Variants in ADAMTSL1 observed in about 807,000 individuals in gnomAD.
ADAMTSL1 encodes the protein ADAMTS like 1, also known as ADAMTS-like protein 1.
Under a neutral mutation model 201.8 loss-of-function variants are expected in ADAMTSL1, and 126 were observed. That is an observed-to-expected ratio of 0.62 (90% confidence interval 0.54 to 0.72). The LOEUF is 0.72. Ranked by LOEUF, ADAMTSL1 falls within the 30% of genes least tolerant of loss-of-function variation. The pLI, the probability that ADAMTSL1 is intolerant of heterozygous loss-of-function variation, is 0.00. For missense variants in ADAMTSL1, 2,679 were observed against 2,277.8 expected, an observed-to-expected ratio of 1.18 and a Z score of -3.59; for synonymous variants, 1,121 against 903.4, an observed-to-expected ratio of 1.24 and a Z score of -4.32.
chr9:18,366,994 C>T (rs1836796160), intron 2 of ADAMTSL1, among the ~76,000 whole-genome samples: 1 of 152,164 alleles, frequency 6.6e-6, no homozygotes, highest in Non-Finnish European at 1.5e-5. Flanking sequence ...CATTCTCATT[C>T]AAGGCAAATT....
Position 18,613,409 on chromosome 9 carries a change from A to G in ADAMTSL1, c.475-8834A>G, listed in dbSNP as rs1825502948. On this transcript the variant is annotated intron_variant, in intron 4 of 28. Coordinates refer to ENST00000380548, the MANE Select transcript of ADAMTSL1 (RefSeq NM_001040272.6). ...ATTGTTCTGTTATAAAGGCACATGC[A>G]CATGTATGTTCATTGCAGCACTGTT... 2.0e-5 allele frequency among the ~76,000 whole-genome samples: 3 copies of G among 152,350 alleles called. No homozygotes were observed. In the South Asian group the frequency reaches 6.2e-4, roughly 32 times the overall value.
At chr9:18,171,456 A>G (rs543345929) in intron 2 of ADAMTSL1, among the ~76,000 whole-genome samples, 4 of 152,246 alleles carry the variant, frequency 2.6e-5, no homozygotes, top group East Asian at 1.9e-4. Context: ...GAAATTTAAT[A>G]TGCTTTAACA....
At chr9:18,141,623 G>A (rs73645725) in intron 1 of ADAMTSL1, among the ~76,000 whole-genome samples, 3,495 of 152,262 alleles carry the variant, frequency 0.023, 138 homozygotes, top group African/African-American at 0.078. Flanking sequence ...TCCATCACAA[G>A]GTTGGTGGCC....
intron 3 of ADAMTSL1, among the ~76,000 whole-genome samples, chr9:18,561,306 G>A (rs1821480113): frequency 6.6e-6 from 1 of 152,158 alleles, no homozygotes; most frequent in Admixed American, 6.5e-5. Context: ...AGTCATTCAG[G>A]AGCAGGCTGT....
chr9:18,897,279 G>A (rs1042752928), intron 26 of ADAMTSL1, among the ~76,000 whole-genome samples: 3 of 152,146 alleles, frequency 2.0e-5, no homozygotes, highest in African/African-American at 4.8e-5. Context: ...GAGTTACTCA[G>A]CCTTCCCAGG....
intron 8 of ADAMTSL1, among the ~76,000 whole-genome samples, chr9:18,658,341 C>A (rs1304163708): frequency 1.3e-5 from 2 of 152,200 alleles, no homozygotes; most frequent in Non-Finnish European, 2.9e-5. Flanking sequence ...TCTAATTTGG[C>A]AGCAGTTTGG....
chr9:18,005,868 T>G (rs902244584), intron 1 of ADAMTSL1, among the ~76,000 whole-genome samples: 1 of 152,038 alleles, frequency 6.6e-6, no homozygotes, highest in Admixed American at 6.6e-5. Flanking sequence ...CATTGCTTCC[T>G]GGTCTGTGAT....
intron 2 of ADAMTSL1, among the ~76,000 whole-genome samples, chr9:18,184,728 G>A (rs983863097): frequency 2.0e-5 from 3 of 151,998 alleles, no homozygotes; most frequent in Non-Finnish European, 4.4e-5. Context: ...ATCTATAGAA[G>A]AAAAAAATAT....
At chr9:18,294,301 G>A (rs2132697432) in intron 2 of ADAMTSL1, among the ~76,000 whole-genome samples, 1 of 152,198 alleles carries the variant, frequency 6.6e-6, no homozygotes, top group South Asian at 2.1e-4. Context: ...CTCTAATATT[G>A]GAAACAGAAA....
chr9:17,924,531 G>C (rs1197929832), intron 1 of ADAMTSL1, among the ~76,000 whole-genome samples: 10 of 124,644 alleles, frequency 8.0e-5, no homozygotes, highest in Admixed American at 3.0e-4. Flanking sequence ...ACAGAACAGA[G>C]CCCTCAGAAA....
At chr9:18,785,214 T>A (rs1821634199) in intron 19 of ADAMTSL1, among the ~76,000 whole-genome samples, 1 of 152,030 alleles carries the variant, frequency 6.6e-6, no homozygotes, top group Admixed American at 6.6e-5. Context: ...GCAGTCTGGC[T>A]TTTGGAACTA....
chr9:18,826,465 T>G lies in ADAMTSL1; in HGVS notation c.4114+2T>G. 6.2e-7 allele frequency: 1 copy of G among 1,611,580 alleles called. No individual in the cohort carries two copies. Among genetic ancestry groups the G allele is most frequent in the Non-Finnish European group, 8.5e-7 (1 of 1,178,946 alleles). ...AGAGCACCCAGCTGCTGATCCTAGG[T>G]AAACACTTCAAAGCTGGCTGCCTCT... On this transcript the variant is annotated splice_donor_variant, in intron 22 of 28. Transcript: ENST00000380548. LOFTEE classifies it high-confidence loss of function.
chr9:18,022,256 T>C (rs985648906), intron 1 of ADAMTSL1, among the ~76,000 whole-genome samples: 2 of 152,164 alleles, frequency 1.3e-5, no homozygotes, highest in Non-Finnish European at 2.9e-5. Context: ...GTACCTCATG[T>C]TGACCTTAGG....
rs148091694 is a variant in ADAMTSL1 at position 17,967,614 on chromosome 9, C to T, written c.87+60692C>T. On this transcript the variant is annotated intron_variant, in intron 1 of 29. Transcript: ENST00000680146. ...AATATTTCCAATATAGATCATACAGCCATAGTTAGTCTTTTAGTTTTTTTG... is the reference window on the plus strand; with the variant it reads ...AATATTTCCAATATAGATCATACAGTCATAGTTAGTCTTTTAGTTTTTTTG... Among the ~76,000 whole-genome samples the T allele has an allele frequency of 3.6e-4, 54 of 152,106 alleles. No homozygotes were observed. In the East Asian group the frequency reaches 9.9e-3, roughly 28 times the overall value.
rs1820396374 is a variant in ADAMTSL1, at chr9:18,019,564, A to T, written c.87+112642A>T. 2.6e-5 allele frequency among the ~76,000 whole-genome samples: 4 copies of T among 152,048 alleles called. No homozygotes were observed. In the South Asian group the frequency reaches 6.2e-4, roughly 24 times the overall value. ...TCTCAGTAGGGCCTCTAAGAAGATTAAGACTGTGTCTCTCAGCCATCTCAG... is the reference window on the plus strand; with the variant it reads ...TCTCAGTAGGGCCTCTAAGAAGATTTAGACTGTGTCTCTCAGCCATCTCAG... On this transcript the variant is annotated intron_variant, in intron 1 of 29. Coordinates refer to the ADAMTSL1 transcript ENST00000680146.
At chr9:18,453,334 G>A (rs1360139309) in intron 2 of ADAMTSL1, among the ~76,000 whole-genome samples, 1 of 152,072 alleles carries the variant, frequency 6.6e-6, no homozygotes, top group Admixed American at 6.5e-5. Context: ...TAGAGCTCTG[G>A]ACCTGCAATG....
At chr9:18,298,099 T>C (rs1416372509) in intron 2 of ADAMTSL1, among the ~76,000 whole-genome samples, 1 of 152,198 alleles carries the variant, frequency 6.6e-6, no homozygotes, top group East Asian at 1.9e-4. Context: ...ACAAATTCTG[T>C]GAGCTAGGAC....
chr9:17,980,416 C>A (rs1024353201), intron 1 of ADAMTSL1, among the ~76,000 whole-genome samples: 1 of 151,740 alleles, frequency 6.6e-6, no homozygotes, highest in African/African-American at 2.4e-5. Context: ...TCTAATTTAC[C>A]AATTTTCTCT....
At chr9:18,358,289 A>C (rs1197934921) in intron 2 of ADAMTSL1, among the ~76,000 whole-genome samples, 2 of 152,208 alleles carry the variant, frequency 1.3e-5, no homozygotes, top group African/African-American at 4.8e-5. Context: ...TGATAGTTGG[A>C]GTCAATTATT....
Sources: gnomAD v4.1 joint callset for allele counts (sites outside exome capture counted in the v4.1 genomes callset) on GRCh38, gnomAD v4.1.1 for gene constraint, MANE v1.5 for transcripts, NCBI Gene and HGNC (gene_info 2026-07-23, HGNC 2026-07-21) for gene names.